The following FUT8 variants were observed in gnomAD, a reference collection of about 807,000 sequenced individuals.
FUT8 encodes fucosyltransferase 8.
Under a neutral mutation model 71.3 loss-of-function variants are expected in FUT8, and 29 were observed. The ratio of observed to expected loss-of-function variants is 0.41; its 90% CI spans 0.30 to 0.55. The LOEUF is 0.55. FUT8 is among the 20% of genes least tolerant of loss of function. The pLI, the probability that FUT8 is intolerant of heterozygous loss-of-function variation, is 0.34. For synonymous variants in FUT8, 254 were observed against 239.3 expected (o/e 1.06, Z -0.57); for missense variants, 544 against 702.1 (o/e 0.77, Z 2.55).
chr14:65,512,612 T>A (rs1377106167), intron 2 of FUT8, among the ~76,000 whole-genome samples: 1 of 152,116 alleles, frequency 6.6e-6, no homozygotes, highest in Non-Finnish European at 1.5e-5. Flanking sequence ...GATTTTTGTT[T>A]GAAATTGTGA....
chr14:65,587,147 C>G (rs1398006325), intron 3 of FUT8, among the ~76,000 whole-genome samples: 1 of 151,412 alleles, frequency 6.6e-6, no homozygotes, highest in African/African-American at 2.4e-5. Context: ...TGAAATCGTG[C>G]CACTGCACTC....
chr14:65,609,321 A>G (rs537844289), intron 3 of FUT8, among the ~76,000 whole-genome samples: 6 of 151,204 alleles, frequency 4.0e-5, no homozygotes, highest in South Asian at 2.1e-4. Flanking sequence ...TTTTTCCTCT[A>G]GTCTGTGGGT....
chr14:65,457,517 A>T (rs1352698839), intron 2 of FUT8, among the ~76,000 whole-genome samples: 5 of 152,134 alleles, frequency 3.3e-5, no homozygotes, highest in Non-Finnish European at 5.9e-5. Flanking sequence ...TCAGACACCG[A>T]GTTATAGAAG....
intron 2 of FUT8, among the ~76,000 whole-genome samples, chr14:65,475,316 CAT>C (rs1379838106): frequency 3.9e-5 from 6 of 152,130 alleles, no homozygotes; most frequent in South Asian, 2.1e-4. Flanking sequence ...AAAAATTCCA[CAT>C]GTCATAGGCG....
At chr14:65,542,170 T>G (rs1884713610) in intron 2 of FUT8, among the ~76,000 whole-genome samples, 1 of 152,234 alleles carries the variant, frequency 6.6e-6, no homozygotes, top group Non-Finnish European at 1.5e-5. Context: ...GTAATCGTTA[T>G]TATTATACTT....
chr14:65,690,332 T>C (rs574035778), intron 7 of FUT8, among the ~76,000 whole-genome samples: 47 of 152,316 alleles, frequency 3.1e-4, no homozygotes, highest in Middle Eastern at 3.4e-3. Context: ...TCCTCTTACT[T>C]TGTTATTCTT....
chr14:65,653,240 T>C (rs545669370), intron 6 of FUT8, among the ~76,000 whole-genome samples: 13 of 152,198 alleles, frequency 8.5e-5, no homozygotes, highest in African/African-American at 3.1e-4. Flanking sequence ...ATTTATTTAT[T>C]AGTTTATTTT....
intron 7 of FUT8, among the ~76,000 whole-genome samples, chr14:65,674,091 A>T (rs556061116): frequency 6.6e-6 from 1 of 152,168 alleles, no homozygotes; most frequent in African/African-American, 2.4e-5. Flanking sequence ...ATATTAAGCA[A>T]TAATGTGATT....
At chr14:65,657,711 G>A (rs529172938) in intron 6 of FUT8, among the ~76,000 whole-genome samples, 7 of 152,190 alleles carry the variant, frequency 4.6e-5, no homozygotes, top group Non-Finnish European at 8.8e-5. Context: ...AGGGGACGTG[G>A]TTAATGGGTA....
chr14:65,484,876 T>G (rs966295018), intron 2 of FUT8, among the ~76,000 whole-genome samples: 1 of 152,182 alleles, frequency 6.6e-6, no homozygotes, highest in East Asian at 1.9e-4. Context: ...TCGTCTTTAT[T>G]GGTATTTTTC....
chr14:65,376,946 G>A, the FUT8 span, among the ~76,000 whole-genome samples: 6 of 152,148 alleles, frequency 3.9e-5, no homozygotes, highest in African/African-American at 1.4e-4. Context: ...CAGGTAGCCC[G>A]GAAGAGCCTG....
intron 3 of FUT8, among the ~76,000 whole-genome samples, chr14:65,581,012 A>G (rs1184305213): frequency 6.6e-6 from 1 of 152,106 alleles, no homozygotes; most frequent in African/African-American, 2.4e-5. Flanking sequence ...TTACCCAGCA[A>G]AATACTATTT....
chr14:65,496,990 A>G lies in FUT8; in HGVS notation c.-228+41272A>G, dbSNP rs568668023. 8.5e-5 allele frequency among the ~76,000 whole-genome samples: 13 copies of G among 152,310 alleles called. No homozygotes were observed. The South Asian group carries it at 2.3e-3, about 27-fold the overall frequency. On this transcript the variant is annotated intron_variant, in intron 2 of 10. Coordinates refer to ENST00000673929, the MANE Select transcript of FUT8 (RefSeq NM_001371533.1). Reference sequence around the variant, plus strand: ...TTTCCTCAACTGCAAATTGGAAATAATAGCAACCACCTCCTAGGGTTGTGA... The same window carrying G: ...TTTCCTCAACTGCAAATTGGAAATAGTAGCAACCACCTCCTAGGGTTGTGA...
intron 2 of FUT8, among the ~76,000 whole-genome samples, chr14:65,514,599 G>GT (rs1882582636): frequency 6.6e-6 from 1 of 151,920 alleles, no homozygotes; most frequent in South Asian, 2.1e-4. Flanking sequence ...GCTAGTAGTG[G>GT]TTTGAGGACA....
At chr14:65,408,920 G>A (rs1566728130), upstream of FUT8, among the ~76,000 whole-genome samples, 3 of 152,122 alleles carry the variant, frequency 2.0e-5, no homozygotes, top group Admixed American at 6.6e-5. Context: ...AGTTCAAGAC[G>A]AGCCTTGGCA....
At chr14:65,570,924 C>T (rs1002886753) in intron 3 of FUT8, among the ~76,000 whole-genome samples, 2 of 152,114 alleles carry the variant, frequency 1.3e-5, no homozygotes, top group Admixed American at 1.3e-4. Flanking sequence ...CATTCACACA[C>T]TGCTGAGCAT....
chr14:65,554,299 A>G (rs887276785), intron 2 of FUT8, among the ~76,000 whole-genome samples: 28 of 151,160 alleles, frequency 1.9e-4, no homozygotes, highest in African/African-American at 4.1e-4. Flanking sequence ...ATCCTTTAAT[A>G]TATCAATTAC....
At chr14:65,390,030 A>G in the FUT8 span, among the ~76,000 whole-genome samples, 1 of 151,324 alleles carries the variant, frequency 6.6e-6, no homozygotes, top group Non-Finnish European at 1.5e-5. Context: ...AATCCCAGCT[A>G]CTTGGGAGGC....
the FUT8 span, among the ~76,000 whole-genome samples, chr14:65,370,370 G>T: frequency 2.0e-5 from 3 of 151,806 alleles, no homozygotes; most frequent in East Asian, 5.8e-4. Context: ...ACCAGGCCCG[G>T]CTAATTTTTT....
Sources: allele counts gnomAD v4.1 joint callset (sites outside exome capture counted in the v4.1 genomes callset), GRCh38; gene constraint gnomAD v4.1.1; transcripts MANE v1.5; gene names NCBI Gene and HGNC (gene_info 2026-07-23, HGNC 2026-07-21).